TMLHE: variants seen among roughly 807,000 people sequenced by gnomAD.
TMLHE encodes trimethyllysine dioxygenase, mitochondrial.
A neutral mutation model predicts 25.7 loss-of-function variants in TMLHE; 18 were observed. That is an observed-to-expected ratio of 0.70 (90% CI 0.48 to 1.04). The LOEUF is 1.04. Among genes scored for constraint, TMLHE ranks in the 50% least tolerant of loss-of-function variants. The pLI, the probability that TMLHE is intolerant of heterozygous loss-of-function variation, is 0.00. For missense variants in TMLHE, 236 were observed against 259.0 expected (o/e 0.91, Z 0.61); for synonymous variants, 105 against 97.0 (o/e 1.08, Z -0.49).
intron 1 of TMLHE, among the ~76,000 whole-genome samples, chrX:155,598,594 C>T (rs1203992362): frequency 1.9e-5 from 2 of 107,566 alleles, no homozygotes; most frequent in Non-Finnish European, 1.9e-5. Flanking sequence ...GGAGATATAC[C>T]TAACACTAAA....
chrX:155,542,123 C>T (rs1350794592), intron 2 of TMLHE, among the ~76,000 whole-genome samples: 1 of 111,062 alleles, frequency 9.0e-6, no homozygotes, highest in Non-Finnish European at 1.9e-5. Context: ...TTTGCCCAAG[C>T]CTATGTCCTG....
At chrX:155,610,107 A>G (rs2067810265) in intron 1 of TMLHE, among the ~76,000 whole-genome samples, 1 of 112,701 alleles carries the variant, frequency 8.9e-6, no homozygotes, top group Non-Finnish European at 1.9e-5. Flanking sequence ...AGCTTTATTC[A>G]TAATAGCCAA....
At chrX:155,550,324 AAAGT>A (rs2067406572) in intron 1 of TMLHE, among the ~76,000 whole-genome samples, 1 of 110,950 alleles carries the variant, frequency 9.0e-6, no homozygotes, top group Admixed American at 9.5e-5. Context: ...AACTAATCCT[AAAGT>A]AACTAATTTT....
chrX:155,600,005 C>T (rs1165877990), intron 1 of TMLHE, among the ~76,000 whole-genome samples: 1 of 111,372 alleles, frequency 9.0e-6, no homozygotes, highest in African/African-American at 3.3e-5. Flanking sequence ...GACATGCCTA[C>T]AAATGAAAAA....
At chrX:155,549,057 G>C (rs984328587) in intron 1 of TMLHE, among the ~76,000 whole-genome samples, 1 of 111,254 alleles carries the variant, frequency 9.0e-6, no homozygotes. Context: ...ATTGCTAACA[G>C]TATACACAAT....
At chrX:155,579,778 A>G (rs1291907058) in intron 1 of TMLHE, among the ~76,000 whole-genome samples, 3 of 110,980 alleles carry the variant, frequency 2.7e-5, no homozygotes, top group African/African-American at 9.8e-5. Context: ...TGCCACATGC[A>G]GAGGAATGAA....
Position 155,569,837 on chromosome X carries a change from A to G in TMLHE, c.-1-24560T>C, listed in dbSNP as rs1301270869. ...CCCTAAAACAGCTCCTGAAGGAAGCACTAAACATGGAAAGGAACAACTGAT... is the reference window on the plus strand; with the variant it reads ...CCCTAAAACAGCTCCTGAAGGAAGCGCTAAACATGGAAAGGAACAACTGAT... On this transcript the variant is annotated intron_variant, in intron 1 of 7. Coordinates refer to ENST00000334398, the MANE Select transcript of TMLHE (RefSeq NM_018196.4). Among the ~76,000 whole-genome samples, 2 of 56,091 alleles carry G rather than the reference A, an allele frequency of 3.6e-5. 1 individual carries two copies. The highest frequency in any genetic ancestry group is 8.6e-5 in the African/African-American group (2 of 23,217). The allele number at this position is 56,091 out of a possible 115,157, so 48.7% of individuals were successfully genotyped here. A position where few individuals can be genotyped will look rare whatever the true frequency, so the allele number is the denominator to read the frequency against.
intron 3 of TMLHE, among the ~76,000 whole-genome samples, chrX:155,516,010 C>T (rs375478480): frequency 3.4e-4 from 23 of 66,968 alleles, no homozygotes; most frequent in Admixed American, 6.0e-4. Context: ...TTGTACTTTT[C>T]TTCTTTTTTT....
At chrX:155,549,036 T>C (rs1254822366) in intron 1 of TMLHE, among the ~76,000 whole-genome samples, 3 of 111,156 alleles carry the variant, frequency 2.7e-5, no homozygotes, top group Non-Finnish European at 5.7e-5. Flanking sequence ...ATTTTAAAAT[T>C]TCAATTTGTA....
At chrX:155,580,067 G>A (rs1047499312) in intron 1 of TMLHE, among the ~76,000 whole-genome samples, 6 of 111,310 alleles carry the variant, frequency 5.4e-5, no homozygotes, top group Non-Finnish European at 1.1e-4. Flanking sequence ...ATTTGCAAAC[G>A]ATGCATCCAA....
intron 1 of TMLHE, among the ~76,000 whole-genome samples, chrX:155,580,527 CTTGT>C (rs1354224025): frequency 4.5e-5 from 5 of 112,325 alleles, no homozygotes; most frequent in East Asian, 5.6e-4. Context: ...GATACATGTA[CTTGT>C]ATGTTTATTG....
rs782526951 is a variant in TMLHE, at chrX:155,585,014, A to C, written c.-2+27778T>G. Reference sequence around the variant, plus strand: ...TCAAATGATACCACTACAGAAAATCACCACACCAAAATAACAAACAATAAG... The same window carrying C: ...TCAAATGATACCACTACAGAAAATCCCCACACCAAAATAACAAACAATAAG... On this transcript the variant is annotated intron_variant, in intron 1 of 7. Transcript: ENST00000334398. 3.6e-5 allele frequency among the ~76,000 whole-genome samples: 4 copies of C among 112,017 alleles called. No individual in the cohort carries two copies. In the South Asian group the frequency reaches 1.5e-3, roughly 41 times the overall value.
intron 1 of TMLHE, among the ~76,000 whole-genome samples, chrX:155,606,246 A>G (rs1419934333): frequency 9.0e-6 from 1 of 111,031 alleles, no homozygotes; most frequent in Non-Finnish European, 1.9e-5. Context: ...GATCAAGTGG[A>G]GCTAACAGAC....
chrX:155,525,794 T>C (rs1197054824), intron 2 of TMLHE, among the ~76,000 whole-genome samples: 1 of 112,247 alleles, frequency 8.9e-6, no homozygotes, highest in African/African-American at 3.2e-5. Context: ...GGCAGCATTG[T>C]GCCCCTGCTC....
chrX:155,530,660 C>A (rs2067244695), intron 2 of TMLHE, among the ~76,000 whole-genome samples: 1 of 112,188 alleles, frequency 8.9e-6, no homozygotes, highest in Non-Finnish European at 1.9e-5. Flanking sequence ...CTCATAATAT[C>A]ATGTCATATA....
intron 3 of TMLHE, among the ~76,000 whole-genome samples, chrX:155,515,789 TG>T (rs1325740361): frequency 9.0e-6 from 1 of 110,807 alleles, no homozygotes; most frequent in Non-Finnish European, 1.9e-5. Flanking sequence ...AAACTATGGT[TG>T]ATGAGTCAAA....
chrX:155,608,263 C>A (rs2067798521), intron 1 of TMLHE, among the ~76,000 whole-genome samples: 2 of 111,734 alleles, frequency 1.8e-5, no homozygotes, highest in African/African-American at 3.3e-5. Flanking sequence ...GTGCCTACAG[C>A]CATCTGATCT....
At position 155,511,143 on chromosome X, in the gene TMLHE, G is replaced by T. The variant is rs190732390; in HGVS notation, c.758+530C>A. 3.1e-4 allele frequency among the ~76,000 whole-genome samples: 35 copies of T among 111,798 alleles called. No homozygotes were observed. In the Admixed American group the frequency reaches 3.2e-3, roughly 10 times the overall value. Reference sequence around the variant, plus strand: ...CTCATGTTGAATTGTAATCTCCAGTGCTGGAGGTAGGGCCTGGTGGAAGTG... The same window carrying T: ...CTCATGTTGAATTGTAATCTCCAGTTCTGGAGGTAGGGCCTGGTGGAAGTG... On this transcript the variant is annotated intron_variant, in intron 5 of 7. Coordinates refer to ENST00000334398, the MANE Select transcript of TMLHE (RefSeq NM_018196.4).
At chrX:155,512,106 G>A (rs1266758369) in intron 4 of TMLHE, among the ~76,000 whole-genome samples, 1 of 111,272 alleles carries the variant, frequency 9.0e-6, no homozygotes, top group African/African-American at 3.3e-5. Flanking sequence ...TCTTTTCTAT[G>A]CTCACCTTTC....
Sources: allele counts gnomAD v4.1 joint callset (sites outside exome capture counted in the v4.1 genomes callset), GRCh38; gene constraint gnomAD v4.1.1; transcripts MANE v1.5; gene names NCBI Gene and HGNC (gene_info 2026-07-23, HGNC 2026-07-21).